Variants in NALCN observed in about 807,000 individuals in gnomAD.
The protein encoded by NALCN is sodium leak channel, non-selective, also known as sodium leak channel NALCN.
NALCN carries 111 observed loss-of-function variants against 225.3 expected under a neutral mutation model. The ratio of observed to expected loss-of-function variants is 0.49; its 90% CI spans 0.42 to 0.58. The LOEUF (loss-of-function observed/expected upper bound fraction) is 0.58. Ranked by LOEUF, NALCN falls within the 20% of genes least tolerant of loss-of-function variation. The pLI is 0.00. For missense variants in NALCN, 1,378 were observed against 2,202.4 expected (o/e 0.63, Z 7.49); for synonymous variants, 764 against 769.0 (o/e 0.99, Z 0.11).
chr13:101,237,373 G>T (rs929264121), intron 12 of NALCN, among the ~76,000 whole-genome samples: 5 of 151,914 alleles, frequency 3.3e-5, no homozygotes, highest in African/African-American at 1.2e-4. Flanking sequence ...AGAAACACTT[G>T]GGATTAAATT....
At chr13:101,359,847 C>T (rs1336685069) in intron 6 of NALCN, among the ~76,000 whole-genome samples, 1 of 152,102 alleles carries the variant, frequency 6.6e-6, no homozygotes, top group Non-Finnish European at 1.5e-5. Context: ...AATTCAGAAA[C>T]TGAGGCTTTC....
rs2034092203 is a variant in NALCN at position 101,089,225 on chromosome 13, A to AT, written c.3489+437dup. On this transcript the variant is annotated intron_variant, in intron 30 of 43. Transcript: ENST00000251127. The surrounding 1 kb of genome is among the most constrained non-coding windows in gnomAD (Gnocchi z 4.7). ...AAAATCTTTTTTTCTGTGAATTAGGATTTTGAAATTTCTACCAGACTCCCC... is the reference window on the plus strand; with the variant it reads ...AAAATCTTTTTTTCTGTGAATTAGGATTTTTGAAATTTCTACCAGACTCCCC... Among the ~76,000 whole-genome samples, 1 of 152,116 alleles carries AT rather than the reference A, an allele frequency of 6.6e-6. No individual in the cohort carries two copies. The highest frequency in any genetic ancestry group is 1.5e-5 in the Non-Finnish European group (1 of 68,030).
intron 26 of NALCN, among the ~76,000 whole-genome samples, chr13:101,102,383 T>G (rs2139604349): frequency 6.6e-6 from 1 of 152,310 alleles, no homozygotes; most frequent in African/African-American, 2.4e-5. Flanking sequence ...TACAGCTGTT[T>G]TCTCATCACA....
At chr13:101,145,045 G>A (rs1594301376) in intron 15 of NALCN, 149 bp from the exon 16 acceptor site, 3 of 760,956 alleles carry the variant, frequency 3.9e-6, no homozygotes, top group Non-Finnish European at 5.5e-6. Flanking sequence ...TACCTCTCTT[G>A]CCCGCCATAA....
chr13:101,107,544 C>T lies in NALCN; in HGVS notation c.2522G>A (p.Gly841Glu), dbSNP rs1467886294. 1.9e-6 allele frequency: 3 copies of T among 1,614,120 alleles called. No homozygotes were observed. The East Asian group carries it at 6.7e-5, about 36-fold the overall frequency. Residue 841 changes from glycine to glutamate, a missense_variant, in exon 22 of 44, where the codon GGG becomes GAG. This residue lies in a region of NALCN where 292 missense variants were observed against 409.5 expected (regional missense o/e 0.71). Coordinates refer to ENST00000251127, the MANE Select transcript of NALCN (RefSeq NM_052867.4). Reference protein sequence around the residue: ...PYFDKPLFIVGREHRFRNFCR... With the variant: ...PYFDKPLFIVEREHRFRNFCR... ...AAAGTTTCTGAACCTGTGTTCTCGC[C>T]CGACAATGAACAGTGGCTTATCGAA...
intron 6 of NALCN, among the ~76,000 whole-genome samples, chr13:101,365,752 A>C (rs895794108): frequency 1.3e-5 from 2 of 152,130 alleles, no homozygotes; most frequent in Admixed American, 1.3e-4. Context: ...GGATAAGCCA[A>C]GATTGTCCTG....
chr13:101,060,011 C>A, intron 41 of NALCN, 44 bp from the exon 42 acceptor site: 1 of 1,602,452 alleles, frequency 6.2e-7, no homozygotes, highest in Non-Finnish European at 8.5e-7. Context: ...AGCCCAGCAT[C>A]CTGCCTGCCC....
chr13:101,318,630 A>C (rs187695965), intron 7 of NALCN, among the ~76,000 whole-genome samples: 39 of 152,302 alleles, frequency 2.6e-4, no homozygotes, highest in South Asian at 6.2e-4. Context: ...TGTGTACTTC[A>C]TGTCCCTTTT....
At chr13:101,255,436 T>G (rs552834026) in intron 11 of NALCN, among the ~76,000 whole-genome samples, 1 of 114,978 alleles carries the variant, frequency 8.7e-6, no homozygotes, top group South Asian at 3.0e-4. Flanking sequence ...TGATTTAGTG[T>G]GACCACCTGC....
At chr13:101,297,242 A>ATACCTATAGT (rs2043790428) in intron 7 of NALCN, among the ~76,000 whole-genome samples, 1 of 152,182 alleles carries the variant, frequency 6.6e-6, no homozygotes, top group Admixed American at 6.5e-5. Flanking sequence ...CCTCTCTCCA[A>ATACCTATAGT]ACACAAAATA....
chr13:101,056,658 T>G (rs1382819440), intron 43 of NALCN, among the ~76,000 whole-genome samples: 1 of 151,150 alleles, frequency 6.6e-6, no homozygotes, highest in Admixed American at 6.6e-5. Context: ...TATCTGTCCC[T>G]GCAGTATCTG....
At chr13:101,079,908 G>A (rs1483543370) in intron 34 of NALCN, among the ~76,000 whole-genome samples, 17 of 152,258 alleles carry the variant, frequency 1.1e-4, no homozygotes, top group Admixed American at 1.0e-3. Flanking sequence ...ATGTGTAAAT[G>A]AGTCTTTCCC....
chr13:101,318,855 C>CT (rs1211898183), intron 7 of NALCN, among the ~76,000 whole-genome samples: 4 of 151,976 alleles, frequency 2.6e-5, no homozygotes, highest in Non-Finnish European at 5.9e-5. Flanking sequence ...GTCCTCACAT[C>CT]TTTTTTTTAG....
intron 13 of NALCN, among the ~76,000 whole-genome samples, chr13:101,219,735 C>T (rs2040866403): frequency 6.6e-6 from 1 of 152,160 alleles, no homozygotes; most frequent in African/African-American, 2.4e-5. Flanking sequence ...TCTTGGCACT[C>T]AATAAGTATT....
At position 101,104,227 on chromosome 13, in the gene NALCN, T is replaced by C. The variant is rs1655146998; in HGVS notation, c.2889+68A>G. On this transcript the variant is annotated intron_variant, in intron 25 of 43. Transcript: ENST00000251127. The surrounding 1 kb of genome is among the most constrained non-coding windows in gnomAD (Gnocchi z 4.2). ...CTGTAACTCATACCTCTTGCGCTTA[T>C]ACCAAGAAATGCAGGAGATTTTACA... The C allele has an allele frequency of 6.5e-7, 1 of 1,535,598 alleles. No homozygotes were observed. The highest frequency in any genetic ancestry group is 8.7e-7 in the Non-Finnish European group (1 of 1,144,656).
At chr13:101,335,702 T>C (rs1438325619) in intron 7 of NALCN, among the ~76,000 whole-genome samples, 1 of 151,214 alleles carries the variant, frequency 6.6e-6, no homozygotes, top group Non-Finnish European at 1.5e-5. Flanking sequence ...AAAAACCCCT[T>C]GGTGCTTTTT....
At chr13:101,062,214 A>G in intron 40 of NALCN, 96 bp from the exon 41 acceptor site, 2 of 1,431,740 alleles carry the variant, frequency 1.4e-6, no homozygotes, top group Non-Finnish European at 1.9e-6. Context: ...CACTCAGTCT[A>G]ATAAGTCTAG....
intron 1 of NALCN, among the ~76,000 whole-genome samples, chr13:101,414,992 C>T (rs543385683): frequency 3.4e-5 from 5 of 147,472 alleles, no homozygotes; most frequent in Admixed American, 6.6e-5. Flanking sequence ...TAGAAAAGCA[C>T]GCAGAATGAC....
chr13:101,329,390 C>T (rs2045078506), intron 7 of NALCN, among the ~76,000 whole-genome samples: 1 of 152,146 alleles, frequency 6.6e-6, no homozygotes, highest in South Asian at 2.1e-4. Context: ...TCTTAATCCA[C>T]TGGAATTGTT....
Sources: gnomAD v4.1 joint callset for allele counts (sites outside exome capture counted in the v4.1 genomes callset) on GRCh38, gnomAD v4.1.1 for gene constraint, gnomAD v4.1.1 regional missense constraint, Gnocchi (gnomAD v3.1) non-coding constraint, MANE v1.5 for transcripts, NCBI Gene and HGNC (gene_info 2026-07-23, HGNC 2026-07-21) for gene names.